Variants in WWOX observed in about 807,000 individuals in gnomAD.
WWOX encodes WW domain-containing oxidoreductase.
Under a neutral mutation model 46.2 loss-of-function variants are expected in WWOX, and 69 were observed. That is an observed-to-expected ratio of 1.49 (90% CI 1.23 to 1.82). WWOX has a LOEUF of 1.82. Ranked by LOEUF, WWOX falls within the 40% of genes most tolerant of loss-of-function variation. The probability of loss-of-function intolerance (pLI) is 0.00; values close to 1 mark genes in which losing one functional copy is unlikely to be tolerated. For missense variants in WWOX, 919 were observed against 542.6 expected (o/e 1.69, Z -6.89); for synonymous variants, 359 against 202.6 (o/e 1.77, Z -6.56).
At chr16:78,793,625 C>T (rs886444414) in intron 8 of WWOX, among the ~76,000 whole-genome samples, 2 of 152,128 alleles carry the variant, frequency 1.3e-5, no homozygotes, top group African/African-American at 2.4e-5. Context: ...TTCAATGTGC[C>T]TACATAGCAC....
chr16:78,635,214 G>T (rs1412996443), intron 8 of WWOX, among the ~76,000 whole-genome samples: 1 of 152,110 alleles, frequency 6.6e-6, no homozygotes, highest in Non-Finnish European at 1.5e-5. Flanking sequence ...TCTGGCTCTG[G>T]GCTATTAGAA....
At chr16:78,905,680 G>T (rs190163151) in intron 8 of WWOX, among the ~76,000 whole-genome samples, 8 of 152,254 alleles carry the variant, frequency 5.3e-5, no homozygotes, top group African/African-American at 1.9e-4. Flanking sequence ...ACCTGGCCCA[G>T]CCAGAATCCT....
chr16:78,575,057 ATATATATAT>A (rs2044837151), intron 8 of WWOX, among the ~76,000 whole-genome samples: 2 of 17,960 alleles, frequency 1.1e-4, no homozygotes, highest in Non-Finnish European at 2.2e-4. Flanking sequence ...ATATATATAT[ATATATATAT>A]ATATATATAT....
intron 8 of WWOX, among the ~76,000 whole-genome samples, chr16:79,137,345 T>G (rs2050002126): frequency 6.6e-6 from 1 of 152,204 alleles, no homozygotes; most frequent in Non-Finnish European, 1.5e-5. Flanking sequence ...AAAAGAAAAT[T>G]CATGTGTTAG....
In WWOX at chr16:78,342,691, C is replaced by G. The variant is rs550827034; in HGVS notation, c.517-44169C>G. On this transcript the variant is annotated intron_variant, in intron 5 of 8. Coordinates refer to ENST00000566780, the MANE Select transcript of WWOX (RefSeq NM_016373.4). ...AGAATCTGATTCCCAGGCATGCTTT[C>G]CACCATATGCATAGACATTTGCACC... 1.2e-4 allele frequency among the ~76,000 whole-genome samples: 14 copies of G among 120,562 alleles called. 5 individuals are homozygous for G. In the South Asian group the frequency reaches 1.2e-3, roughly 11 times the overall value. 79.1% of individuals were successfully genotyped at this position (120,562 alleles called of 152,430 possible). A position where few individuals can be genotyped will look rare whatever the true frequency, so the allele number is the denominator to read the frequency against.
chr16:78,562,030 G>C (rs750819617), intron 8 of WWOX, among the ~76,000 whole-genome samples: 2 of 152,186 alleles, frequency 1.3e-5, no homozygotes, highest in Non-Finnish European at 2.9e-5. Context: ...ATGGCAAATG[G>C]AGTCTTTGTT....
At chr16:78,262,385 G>T (rs922096210) in intron 5 of WWOX, among the ~76,000 whole-genome samples, 1 of 152,124 alleles carries the variant, frequency 6.6e-6, no homozygotes, top group Admixed American at 6.5e-5. Flanking sequence ...GTCTACATTT[G>T]CTCTCAAGGG....
intron 4 of WWOX, chr16:78,145,983 T>C (rs2034185139): frequency 6.6e-6 from 1 of 152,238 alleles, no homozygotes; most frequent in Non-Finnish European, 1.5e-5. Context: ...GGTTTCATGT[T>C]GATTTTATCT....
chr16:78,230,382 T>C (rs78801255), intron 5 of WWOX, among the ~76,000 whole-genome samples: 1,610 of 152,328 alleles, frequency 0.011, 20 homozygotes, highest in Middle Eastern at 0.027. Context: ...GGTAACATGA[T>C]GTACACAAGC....
chr16:78,617,731 C>T lies in WWOX; in HGVS notation c.1056+184979C>T, dbSNP rs2151639075. On this transcript the variant is annotated intron_variant, in intron 8 of 8. Coordinates refer to ENST00000566780, the MANE Select transcript of WWOX (RefSeq NM_016373.4). ...AGTCCCAGGAAATCTTTGTGCATGG[C>T]TGTCTTTTCTGTGCCATCTTGGGCA... 2.6e-5 allele frequency among the ~76,000 whole-genome samples: 4 copies of T among 152,294 alleles called. 2 individuals are homozygous for T. The highest frequency in any genetic ancestry group is 2.6e-4 in the Admixed American group (4 of 15,302).
intron 1 of WWOX, among the ~76,000 whole-genome samples, chr16:78,100,641 G>A (rs866824760): frequency 2.2e-4 from 33 of 152,326 alleles, no homozygotes; most frequent in African/African-American, 5.0e-4. Flanking sequence ...ATCTTTAACT[G>A]TGTGACCTTG....
intron 5 of WWOX, among the ~76,000 whole-genome samples, chr16:78,180,993 T>C (rs1286504222): frequency 6.6e-6 from 1 of 152,232 alleles, no homozygotes; most frequent in African/African-American, 2.4e-5. Flanking sequence ...TTTCTACTAC[T>C]TAAAGCTGAA....
intron 6 of WWOX, among the ~76,000 whole-genome samples, chr16:78,422,981 G>T (rs2082988216): frequency 6.6e-6 from 1 of 151,322 alleles, no homozygotes; most frequent in Non-Finnish European, 1.5e-5. Context: ...TGCCTCCTGG[G>T]TTCAAGTGAT....
At chr16:78,213,042 C>A (rs577256703) in intron 5 of WWOX, among the ~76,000 whole-genome samples, 6 of 151,906 alleles carry the variant, frequency 3.9e-5, no homozygotes, top group Non-Finnish European at 7.4e-5. Context: ...CACTTTAGGT[C>A]AGAAGTTCGA....
At chr16:78,942,725 A>T (rs2045876486) in intron 8 of WWOX, among the ~76,000 whole-genome samples, 1 of 152,194 alleles carries the variant, frequency 6.6e-6, no homozygotes, top group South Asian at 2.1e-4. Context: ...GGTCATCGCA[A>T]GACATAGGGG....
At chr16:78,532,512 G>A (rs2043646819) in intron 8 of WWOX, among the ~76,000 whole-genome samples, 1 of 152,260 alleles carries the variant, frequency 6.6e-6, no homozygotes, top group Non-Finnish European at 1.5e-5. Flanking sequence ...GAAACAGCAG[G>A]CATAGTTACT....
At chr16:78,580,530 C>G (rs8056137) in intron 8 of WWOX, among the ~76,000 whole-genome samples, 24,486 of 152,152 alleles carry the variant, frequency 0.16, 2,424 homozygotes, top group African/African-American at 0.28. Flanking sequence ...CCATCACGAA[C>G]AAATTGCCAA....
At chr16:78,495,765 C>A (rs1253430669) in intron 8 of WWOX, among the ~76,000 whole-genome samples, 3 of 152,130 alleles carry the variant, frequency 2.0e-5, no homozygotes, top group African/African-American at 4.8e-5. Context: ...GCCTCCACCT[C>A]CCAAAGTGCT....
intron 8 of WWOX, among the ~76,000 whole-genome samples, chr16:78,822,137 A>T (rs564357389): frequency 6.6e-6 from 1 of 152,110 alleles, no homozygotes; most frequent in African/African-American, 2.4e-5. Context: ...TGGCCTCCCA[A>T]AGTGCTGGGA....
Sources: allele counts gnomAD v4.1 joint callset (sites outside exome capture counted in the v4.1 genomes callset), GRCh38; gene constraint gnomAD v4.1.1; transcripts MANE v1.5; gene names NCBI Gene and HGNC (gene_info 2026-07-23, HGNC 2026-07-21).